Variants in NELL1 observed in about 807,000 individuals in gnomAD.
The protein encoded by NELL1 is protein kinase C-binding protein NELL1.
NELL1 carries 76 observed loss-of-function variants against 107.4 expected under a neutral mutation model. The observed-to-expected ratio is 0.71, with a 90% confidence interval of 0.59 to 0.86. The LOEUF is 0.86. Ranked by LOEUF, NELL1 falls within the 40% of genes least tolerant of loss-of-function variation. NELL1 has a pLI of 0.00. For missense variants in NELL1, 1,024 were observed against 1,005.5 expected (o/e 1.02, Z -0.25); for synonymous variants, 353 against 341.2 (o/e 1.03, Z -0.38).
intron 2 of NELL1, among the ~76,000 whole-genome samples, chr11:20,705,201 C>G (rs1391337857): frequency 6.6e-6 from 1 of 152,154 alleles, no homozygotes; most frequent in Non-Finnish European, 1.5e-5. Flanking sequence ...GCCCACATTG[C>G]CAAGTCAATC....
intron 15 of NELL1, among the ~76,000 whole-genome samples, chr11:21,402,111 C>G (rs1852111934): frequency 6.6e-6 from 1 of 151,756 alleles, no homozygotes; most frequent in Non-Finnish European, 1.5e-5. Flanking sequence ...ATTCAGCTTG[C>G]CTTCTAGTCC....
chr11:21,396,764 T>C (rs760892161), intron 15 of NELL1, among the ~76,000 whole-genome samples: 12 of 151,548 alleles, frequency 7.9e-5, no homozygotes, highest in African/African-American at 2.9e-4. Flanking sequence ...ATGAAAGGCA[T>C]GTGTACGGAA....
intron 3 of NELL1, among the ~76,000 whole-genome samples, chr11:20,811,462 T>C (rs1245098733): frequency 6.6e-6 from 1 of 152,152 alleles, no homozygotes; most frequent in African/African-American, 2.4e-5. Flanking sequence ...AGGATTTTTT[T>C]TTCTATGTCT....
chr11:21,292,324 C>T (rs1207056575), intron 14 of NELL1, among the ~76,000 whole-genome samples: 1 of 152,144 alleles, frequency 6.6e-6, no homozygotes, highest in African/African-American at 2.4e-5. Context: ...AACTCCTATT[C>T]ACAATTGCTA....
intron 14 of NELL1, among the ~76,000 whole-genome samples, chr11:21,363,160 T>G (rs1021161351): frequency 1.3e-5 from 2 of 152,174 alleles, no homozygotes; most frequent in Non-Finnish European, 2.9e-5. Flanking sequence ...AGGTGAGAGC[T>G]TCCTTTGCCC....
intron 15 of NELL1, among the ~76,000 whole-genome samples, chr11:21,397,177 T>C (rs1050548586): frequency 2.0e-5 from 3 of 151,614 alleles, no homozygotes; most frequent in African/African-American, 7.3e-5. Context: ...CGAGGAATCA[T>C]ATAGCTGTAA....
intron 12 of NELL1, among the ~76,000 whole-genome samples, chr11:21,014,856 CTTG>C (rs1447150460): frequency 1.3e-5 from 2 of 152,082 alleles, no homozygotes; most frequent in African/African-American, 4.8e-5. Flanking sequence ...TCTCCCTGCC[CTTG>C]TTGTGGTTAT....
chr11:21,107,121 A>G (rs996811108), intron 12 of NELL1, among the ~76,000 whole-genome samples: 8 of 152,226 alleles, frequency 5.3e-5, no homozygotes, highest in African/African-American at 1.9e-4. Flanking sequence ...CATTTGTTAC[A>G]ATTGATGGAC....
intron 15 of NELL1, among the ~76,000 whole-genome samples, chr11:21,519,109 A>G (rs895201005): frequency 3.9e-5 from 6 of 152,334 alleles, no homozygotes; most frequent in African/African-American, 1.4e-4. Flanking sequence ...CTGACTACAC[A>G]GAATGAACAT....
chr11:20,676,644 G>C (rs1026255479), intron 1 of NELL1, among the ~76,000 whole-genome samples: 4 of 152,154 alleles, frequency 2.6e-5, no homozygotes, highest in Non-Finnish European at 5.9e-5. Context: ...AGCAGGTCCT[G>C]TTTCCTAACA....
intron 12 of NELL1, among the ~76,000 whole-genome samples, chr11:21,049,470 A>G (rs1029896739): frequency 6.6e-6 from 1 of 152,112 alleles, no homozygotes; most frequent in Non-Finnish European, 1.5e-5. Flanking sequence ...CTTTTAGCCA[A>G]CTTTAGTTGA....
chr11:21,135,931 G>A (rs896038740), intron 13 of NELL1, among the ~76,000 whole-genome samples: 1 of 152,108 alleles, frequency 6.6e-6, no homozygotes, highest in Non-Finnish European at 1.5e-5. Context: ...ATTCTAGCAC[G>A]TGAGCCCCCA....
At chr11:21,345,840 C>A (rs1398568620) in intron 14 of NELL1, among the ~76,000 whole-genome samples, 2 of 152,146 alleles carry the variant, frequency 1.3e-5, no homozygotes, top group Non-Finnish European at 2.9e-5. Flanking sequence ...ATGAGATCTG[C>A]ACGACCAGCA....
intron 15 of NELL1, among the ~76,000 whole-genome samples, chr11:21,422,095 A>ATGTG (rs58034116): frequency 1.7e-5 from 2 of 118,372 alleles, no homozygotes; most frequent in Non-Finnish European, 3.2e-5. Context: ...ATTTACACAT[A>ATGTG]TGTGTGTGTG....
intron 14 of NELL1, among the ~76,000 whole-genome samples, chr11:21,234,637 T>C (rs376961895): frequency 6.6e-6 from 1 of 152,230 alleles, no homozygotes; most frequent in Non-Finnish European, 1.5e-5. Context: ...CAGAATCCTG[T>C]AGTGCTCTGA....
chr11:20,967,607 C>T (rs1207818877), intron 12 of NELL1, among the ~76,000 whole-genome samples: 1 of 152,122 alleles, frequency 6.6e-6, no homozygotes, highest in Non-Finnish European at 1.5e-5. Context: ...TCAGAAAGTC[C>T]TGTTAGCTTT....
At chr11:20,896,330 C>T (rs528953682) in intron 5 of NELL1, among the ~76,000 whole-genome samples, 43 of 152,114 alleles carry the variant, frequency 2.8e-4, no homozygotes, top group Non-Finnish European at 4.6e-4. Context: ...CCTTTTATGG[C>T]TGAGTAGTAT....
chr11:20,907,999 G>A (rs1359213903), intron 5 of NELL1, among the ~76,000 whole-genome samples: 2 of 152,108 alleles, frequency 1.3e-5, no homozygotes, highest in Non-Finnish European at 2.9e-5. Context: ...AAATGATAAT[G>A]AGATACCATC....
intron 10 of NELL1, among the ~76,000 whole-genome samples, chr11:20,941,137 T>G (rs1353581928): frequency 6.6e-6 from 1 of 151,846 alleles, no homozygotes; most frequent in Non-Finnish European, 1.5e-5. Context: ...AGACGCCATC[T>G]CAAAAAAAAG....
Sources: gnomAD v4.1 joint callset for allele counts (sites outside exome capture counted in the v4.1 genomes callset) on GRCh38, gnomAD v4.1.1 for gene constraint, MANE v1.5 for transcripts, NCBI Gene and HGNC (gene_info 2026-07-23, HGNC 2026-07-21) for gene names.